Variants in ASPRV1 observed in about 807,000 individuals in gnomAD.
ASPRV1 encodes the protein retroviral-like aspartic protease 1.
In ASPRV1, 7 loss-of-function variants were observed where a neutral mutation model predicts 11.0. The ratio of observed to expected loss-of-function variants is 0.64; its 90% CI spans 0.36 to 1.20. The LOEUF is 1.20. ASPRV1 is among the 50% of genes most tolerant of loss of function. The pLI, the probability that ASPRV1 is intolerant of heterozygous loss-of-function variation, is 0.02. For synonymous variants in ASPRV1, 136 were observed against 138.4 expected, an observed-to-expected ratio of 0.98 and a Z score of 0.12; for missense variants, 299 against 320.0, an observed-to-expected ratio of 0.93 and a Z score of 0.50.
At chr2:70,008,200 C>A in the ASPRV1 span, among the ~76,000 whole-genome samples, 2 of 151,758 alleles carry the variant, frequency 1.3e-5, no homozygotes, top group African/African-American at 4.8e-5. Flanking sequence ...TCATTCATTT[C>A]CGCTGCTGTG....
the ASPRV1 span, among the ~76,000 whole-genome samples, chr2:70,065,009 C>T: frequency 6.6e-6 from 1 of 151,956 alleles, no homozygotes; most frequent in Non-Finnish European, 1.5e-5. Context: ...GCACAAGAAT[C>T]GCTTGAACCC....
At chr2:69,949,143 GT>G in the ASPRV1 span, among the ~76,000 whole-genome samples, 1 of 152,120 alleles carries the variant, frequency 6.6e-6, no homozygotes, top group Admixed American at 6.5e-5. Flanking sequence ...CCTGCTTGAT[GT>G]TCACACGGAC....
At chr2:70,066,770 T>C in the ASPRV1 span, among the ~76,000 whole-genome samples, 67 of 151,788 alleles carry the variant, frequency 4.4e-4, no homozygotes, top group African/African-American at 1.6e-3. Flanking sequence ...TTGGCTAATT[T>C]GTTATTTTTT....
chr2:70,047,349 G>A, the ASPRV1 span, among the ~76,000 whole-genome samples: 5 of 152,192 alleles, frequency 3.3e-5, no homozygotes, highest in African/African-American at 1.2e-4. Context: ...TTCAGAAAAT[G>A]CTCTCATCCC....
At chr2:70,024,626 ACTT>A in the ASPRV1 span, among the ~76,000 whole-genome samples, 3 of 150,618 alleles carry the variant, frequency 2.0e-5, no homozygotes, top group African/African-American at 4.9e-5. Flanking sequence ...TCCTCTCCTC[ACTT>A]CTTCTCCCTC....
the ASPRV1 span, chr2:70,034,921 G>C: frequency 3.3e-5 from 5 of 152,798 alleles, no homozygotes; most frequent in African/African-American, 9.6e-5. Flanking sequence ...CCAGGTGACA[G>C]GCCCCAGACC....
chr2:70,021,508 C>T, the ASPRV1 span, among the ~76,000 whole-genome samples: 22 of 151,098 alleles, frequency 1.5e-4, no homozygotes, highest in Non-Finnish European at 2.7e-4. Flanking sequence ...TTGGTAGAGA[C>T]GGGGCTTCAC....
chr2:70,020,123 C>T, the ASPRV1 span, among the ~76,000 whole-genome samples: 1 of 151,996 alleles, frequency 6.6e-6, no homozygotes, highest in East Asian at 1.9e-4. Flanking sequence ...GAAATTGAAC[C>T]CCTCATGTAG....
At chr2:69,958,893 C>T (rs1001463880), downstream of ASPRV1, among the ~76,000 whole-genome samples, 1 of 152,192 alleles carries the variant, frequency 6.6e-6, no homozygotes, top group East Asian at 1.9e-4. Context: ...AATAGATTTC[C>T]TCCTGATCCC....
chr2:69,969,365 C>T, the ASPRV1 span, among the ~76,000 whole-genome samples: 20,901 of 152,144 alleles, frequency 0.14, 2,154 homozygotes, highest in African/African-American at 0.27. Flanking sequence ...ATTGGCGGTT[C>T]CCCGAGGCTG....
At chr2:70,074,133 CAA>C in the ASPRV1 span, among the ~76,000 whole-genome samples, 18 of 7,816 alleles carry the variant, frequency 2.3e-3, no homozygotes, top group African/African-American at 5.2e-3. Flanking sequence ...AACTTCATCT[CAA>C]AAAAAAAAAA....
chr2:69,972,995 G>A, the ASPRV1 span, among the ~76,000 whole-genome samples: 1 of 151,978 alleles, frequency 6.6e-6, no homozygotes, highest in Non-Finnish European at 1.5e-5. Context: ...AATCTTTCCA[G>A]AGTCAAATCT....
the ASPRV1 span, among the ~76,000 whole-genome samples, chr2:69,999,289 A>T: frequency 1.3e-4 from 19 of 145,074 alleles, no homozygotes; most frequent in South Asian, 4.3e-4. Flanking sequence ...GATTCAAATT[A>T]AAAAAAAAAA....
chr2:70,080,746 A>T, the ASPRV1 span, among the ~76,000 whole-genome samples: 1,239 of 152,338 alleles, frequency 8.1e-3, 18 homozygotes, highest in African/African-American at 0.028. Context: ...AAGTAGCAAA[A>T]CAATAGTCAC....
the ASPRV1 span, among the ~76,000 whole-genome samples, chr2:70,064,915 G>A: frequency 2.0e-5 from 3 of 152,002 alleles, no homozygotes; most frequent in East Asian, 5.8e-4. Context: ...CTAACATGGT[G>A]AAACCTTGTT....
chr2:70,022,826 C>T, the ASPRV1 span, among the ~76,000 whole-genome samples: 1 of 151,752 alleles, frequency 6.6e-6, no homozygotes, highest in African/African-American at 2.4e-5. Flanking sequence ...AAACTAAATG[C>T]ATACTATTTT....
the ASPRV1 span, among the ~76,000 whole-genome samples, chr2:69,972,525 T>A: frequency 1.3e-5 from 2 of 152,078 alleles, no homozygotes; most frequent in African/African-American, 4.8e-5. Flanking sequence ...GCCCGGCTAT[T>A]TTTTGTAATT....
At chr2:70,063,454 TCCTAAGG>T in the ASPRV1 span, among the ~76,000 whole-genome samples, 47 of 152,268 alleles carry the variant, frequency 3.1e-4, no homozygotes, top group African/African-American at 1.1e-3. Flanking sequence ...AGTCCTGAAC[TCCTAAGG>T]CTGCTGAGGC....
chr2:70,059,976 G>A, the ASPRV1 span: 3 of 152,146 alleles, frequency 2.0e-5, no homozygotes, highest in African/African-American at 7.2e-5. Flanking sequence ...AGAGCCTCTG[G>A]GTTGTCAACT....
Sources: allele counts gnomAD v4.1 joint callset (sites outside exome capture counted in the v4.1 genomes callset), GRCh38; gene constraint gnomAD v4.1.1; transcripts MANE v1.5; gene names NCBI Gene and HGNC (gene_info 2026-07-23, HGNC 2026-07-21).